Variants in ABCA10 observed in about 807,000 individuals in gnomAD.
ABCA10 encodes ATP binding cassette subfamily A member 10.
In ABCA10, 169 loss-of-function variants were observed where a neutral mutation model predicts 187.5. That is an observed-to-expected ratio of 0.90 (90% CI 0.80 to 1.02). The LOEUF (loss-of-function observed/expected upper bound fraction) is 1.02. Among genes scored for constraint, ABCA10 ranks in the 50% least tolerant of loss-of-function variants. The pLI, the probability that ABCA10 is intolerant of heterozygous loss-of-function variation, is 0.00. For missense variants in ABCA10, 1,727 were observed against 1,812.4 expected, an observed-to-expected ratio of 0.95 and a Z score of 0.86; for synonymous variants, 574 against 601.8, an observed-to-expected ratio of 0.95 and a Z score of 0.68.
intron 25 of ABCA10, among the ~76,000 whole-genome samples, chr17:69,169,748 T>C (rs553669279): frequency 3.3e-5 from 5 of 152,190 alleles, no homozygotes; most frequent in African/African-American, 7.2e-5. Context: ...CAAGTGGATA[T>C]ATAAATATGA....
In ABCA10 at chr17:69,187,767, A is replaced by C. The variant is rs1468144281; in HGVS notation, c.2244T>G (p.Ser748Arg). ...SLPETRKAVS[S>R]AALWRRQIYA... ...AGATTTGTCGTCTCCAGAGAGCTGC[A>C]CTACTGACAGCCTTTCTTGTTTCAG... Residue 748 changes from serine to arginine, a missense_variant, in exon 19 of 39, where the codon AGT (serine) becomes AGG (arginine). Coordinates refer to ENST00000690296, the MANE Select transcript of ABCA10 (RefSeq NM_001377321.1). The C allele has an allele frequency of 3.1e-6, 5 of 1,613,942 alleles. 1 individual carries two copies. The Admixed American group carries it at 8.3e-5, about 27-fold the overall frequency.
At chr17:69,175,329 G>T in intron 23 of ABCA10, 77 bp downstream of exon 23, 1 of 1,246,518 alleles carries the variant, frequency 8.0e-7, no homozygotes, top group Non-Finnish European at 1.1e-6. Context: ...AACTGTGTGT[G>T]TATAAAACAA....
intron 25 of ABCA10, among the ~76,000 whole-genome samples, chr17:69,174,061 C>A (rs186386379): frequency 6.6e-6 from 1 of 151,476 alleles, no homozygotes; most frequent in African/African-American, 2.4e-5. Flanking sequence ...AAACAGAGTT[C>A]TAAAAAAGAA....
At chr17:69,213,054 C>T (rs890753179) in intron 9 of ABCA10, among the ~76,000 whole-genome samples, 1 of 152,200 alleles carries the variant, frequency 6.6e-6, no homozygotes, top group African/African-American at 2.4e-5. Flanking sequence ...CTCAGGACCT[C>T]TGGTTAGCCA....
chr17:69,191,510 T>C (rs1476862600), intron 16 of ABCA10, among the ~76,000 whole-genome samples, 195 bp from the exon 17 acceptor site: 1 of 152,220 alleles, frequency 6.6e-6, no homozygotes, highest in East Asian at 1.9e-4. Flanking sequence ...GTAGCCTATT[T>C]TGCATTATTT....
chr17:69,186,509 G>A (rs892372304), intron 19 of ABCA10, among the ~76,000 whole-genome samples: 2 of 152,020 alleles, frequency 1.3e-5, no homozygotes, highest in Non-Finnish European at 2.9e-5. Flanking sequence ...CTTTCTTCCC[G>A]ACTTCACATT....
rs2074384803 is a variant in ABCA10, at chr17:69,182,192, G to A, written c.2730C>T (p.Phe910=). The A allele has an allele frequency of 1.9e-6, 3 of 1,593,112 alleles. No individual in the cohort carries two copies. In the African/African-American group the frequency reaches 4.1e-5, roughly 22 times the overall value. The change falls in exon 22 of 39, where the codon TTC becomes TTT. Residue 910 remains phenylalanine (F), a synonymous_variant. Transcript: ENST00000690296. ...TGCTCTCCATTTGAATAAGCTCCGT[G>A]AAGTTAAAAATTCCCATAAGGGCAT... ...VSNALMGIFN[F]TELIQMESTS...
chr17:69,152,261 A>C, intron 35 of ABCA10, 78 bp from the exon 36 acceptor site: 2 of 1,571,738 alleles, frequency 1.3e-6, no homozygotes, highest in Non-Finnish European at 1.7e-6. Flanking sequence ...AAGGTGTTTA[A>C]TTACAGGTTA....
At chr17:69,229,279 T>A (rs912410059), upstream of ABCA10, among the ~76,000 whole-genome samples, 3 of 152,016 alleles carry the variant, frequency 2.0e-5, no homozygotes, top group Non-Finnish European at 4.4e-5. Flanking sequence ...TGCAGATGTT[T>A]AAATAAGTGT....
intron 19 of ABCA10, among the ~76,000 whole-genome samples, chr17:69,186,838 T>A (rs1213589522): frequency 6.6e-6 from 1 of 152,184 alleles, no homozygotes; most frequent in East Asian, 1.9e-4. Context: ...TATTCAGTAT[T>A]TTTCATCTTT....
intron 9 of ABCA10, among the ~76,000 whole-genome samples, chr17:69,210,922 T>C (rs986007244): frequency 1.3e-5 from 2 of 149,850 alleles, no homozygotes; most frequent in Non-Finnish European, 2.9e-5. Flanking sequence ...GTCCCATATT[T>C]TTGCAATACC....
intron 20 of ABCA10, 91 bp downstream of exon 20, chr17:69,185,386 C>T: frequency 7.6e-7 from 1 of 1,320,754 alleles, no homozygotes. Context: ...TGGATAGACA[C>T]CATTTTTGTT....
intron 25 of ABCA10, among the ~76,000 whole-genome samples, chr17:69,173,628 T>C (rs2074312756): frequency 6.6e-6 from 1 of 152,146 alleles, no homozygotes. Context: ...AAGTTATGAT[T>C]TGGACTTGAC....
In ABCA10 at chr17:69,174,757, T is replaced by C. The variant is rs1046025030; in HGVS notation, c.2898A>G (p.Leu966=). Residue 966 remains leucine (L), a synonymous_variant, in exon 24 of 39, where the codon TTA becomes TTG. Transcript: ENST00000690296. The stretch of plus-strand genomic sequence containing the variant: ...CTGAAGGCCAGAGGCCTGAAATCCA[T>C]AACTGGGATTGAACATTTTTCTGAC... ...SDYKKNVQSQ[L]WISGLWPSAY... The C allele has an allele frequency of 3.2e-6, 5 of 1,586,126 alleles. No homozygotes were observed. Among genetic ancestry groups the C allele is most frequent in the African/African-American group, 1.4e-5 (1 of 73,458 alleles).
chr17:69,217,364 A>G (rs1167316182), intron 6 of ABCA10, among the ~76,000 whole-genome samples: 2 of 152,236 alleles, frequency 1.3e-5, no homozygotes, highest in Non-Finnish European at 2.9e-5. Context: ...ATGGAAAGGT[A>G]TGTTTTAAAC....
intron 9 of ABCA10, among the ~76,000 whole-genome samples, chr17:69,204,170 C>T (rs1014931547): frequency 2.0e-5 from 3 of 152,154 alleles, no homozygotes; most frequent in African/African-American, 4.8e-5. Context: ...AAAAATCTCC[C>T]GGTAATTATT....
intron 1 of ABCA10, chr17:69,234,344 T>C (rs1166564182): frequency 6.6e-6 from 1 of 152,524 alleles, no homozygotes; most frequent in Non-Finnish European, 1.5e-5. Flanking sequence ...TTCAGATTCA[T>C]TGTCAGCAGT....
intron 27 of ABCA10, among the ~76,000 whole-genome samples, chr17:69,161,195 T>C (rs1040102445): frequency 2.6e-5 from 4 of 152,118 alleles, no homozygotes; most frequent in Non-Finnish European, 4.4e-5. Context: ...ATAAGATATA[T>C]AAAGTAGTAA....
At chr17:69,227,310 A>AT (rs1244318072) in intron 1 of ABCA10, 25 bp from the exon 2 acceptor site, 2 of 151,964 alleles carry the variant, frequency 1.3e-5, no homozygotes, top group Non-Finnish European at 3.0e-5. Flanking sequence ...AAAAAAAAAA[A>AT]GTTCAGTTAC....
Sources: allele counts gnomAD v4.1 joint callset (sites outside exome capture counted in the v4.1 genomes callset), GRCh38; gene constraint gnomAD v4.1.1; transcripts MANE v1.5; gene names NCBI Gene and HGNC (gene_info 2026-07-23, HGNC 2026-07-21).